AK5: variants seen among roughly 807,000 people sequenced by gnomAD.
The protein encoded by AK5 is adenylate kinase 5, also known as adenylate kinase isoenzyme 5.
Under a neutral mutation model 69.5 loss-of-function variants are expected in AK5, and 27 were observed. That is an observed-to-expected ratio of 0.39 (90% confidence interval 0.29 to 0.54). AK5 has a LOEUF of 0.54. AK5 is among the 20% of genes least tolerant of loss of function. AK5 has a pLI of 0.71. For synonymous variants in AK5, 260 were observed against 244.4 expected (o/e 1.06, Z -0.60); for missense variants, 531 against 700.4 (o/e 0.76, Z 2.73).
chr1:77,494,906 C>A (rs755307802), intron 10 of AK5, among the ~76,000 whole-genome samples: 2 of 151,844 alleles, frequency 1.3e-5, no homozygotes, highest in African/African-American at 2.4e-5. Flanking sequence ...CTCAGCCTCC[C>A]GGGTAGCTGG....
chr1:77,418,445 C>G lies in AK5; in HGVS notation c.1059+730C>G, dbSNP rs10873939. 2.6e-5 allele frequency among the ~76,000 whole-genome samples: 4 copies of G among 152,114 alleles called. No individual in the cohort carries two copies. The South Asian group carries it at 6.2e-4, about 24-fold the overall frequency. On this transcript the variant is annotated intron_variant, in intron 8 of 13. Coordinates refer to ENST00000354567, the MANE Select transcript of AK5 (RefSeq NM_174858.3). ...ATTTGGGTGGGGACACAGAGCCAAA[C>G]CATATCACTAGTCTGTGGAAGGGAA...
At chr1:77,529,481 C>G (rs190119105) in intron 12 of AK5, among the ~76,000 whole-genome samples, 1 of 152,042 alleles carries the variant, frequency 6.6e-6, no homozygotes, top group African/African-American at 2.4e-5. Context: ...CCCACCACCA[C>G]GTCCAGCTAA....
chr1:77,468,672 C>T (rs906271252), intron 8 of AK5, among the ~76,000 whole-genome samples: 1 of 152,166 alleles, frequency 6.6e-6, no homozygotes, highest in Non-Finnish European at 1.5e-5. Flanking sequence ...AAGAGCAGGC[C>T]GGTTTCCTTG....
intron 6 of AK5, among the ~76,000 whole-genome samples, chr1:77,368,238 T>TA (rs1557535331): frequency 0.01 from 20 of 1,912 alleles, 2 homozygotes; most frequent in South Asian, 0.11. Context: ...TATATATATA[T>TA]ATATATATAT....
intron 10 of AK5, among the ~76,000 whole-genome samples, chr1:77,507,857 C>T (rs1362960227): frequency 2.6e-5 from 4 of 152,130 alleles, no homozygotes; most frequent in Admixed American, 2.0e-4. Flanking sequence ...GGGGAATTAT[C>T]CTTTTTTATT....
intron 8 of AK5, among the ~76,000 whole-genome samples, chr1:77,481,896 A>G (rs916852133): frequency 6.6e-6 from 1 of 152,238 alleles, no homozygotes; most frequent in African/African-American, 2.4e-5. Context: ...TCACTGATCC[A>G]TCAATAAAGG....
chr1:77,468,760 C>A (rs1036450706), intron 8 of AK5, among the ~76,000 whole-genome samples: 1 of 152,152 alleles, frequency 6.6e-6, no homozygotes, highest in East Asian at 1.9e-4. Flanking sequence ...TTTAAATAGT[C>A]CTCAAATACT....
chr1:77,554,437 T>G (rs979782876), intron 13 of AK5, among the ~76,000 whole-genome samples: 1 of 152,156 alleles, frequency 6.6e-6, no homozygotes, highest in Admixed American at 6.5e-5. Context: ...TATCTAGTCC[T>G]AGTTCAGTCC....
intron 6 of AK5, among the ~76,000 whole-genome samples, chr1:77,403,852 A>G (rs1245541327): frequency 6.6e-6 from 1 of 152,186 alleles, no homozygotes; most frequent in African/African-American, 2.4e-5. Context: ...TGGTAGCTTG[A>G]TGGGGATGGC....
chr1:77,510,405 G>A (rs781348443), intron 10 of AK5, among the ~76,000 whole-genome samples: 4 of 152,050 alleles, frequency 2.6e-5, no homozygotes, highest in Non-Finnish European at 5.9e-5. Context: ...TGCAATCACT[G>A]TTGAACTATA....
At chr1:77,312,443 T>C (rs1660012904) in intron 5 of AK5, among the ~76,000 whole-genome samples, 1 of 151,956 alleles carries the variant, frequency 6.6e-6, no homozygotes, top group African/African-American at 2.4e-5. Flanking sequence ...GGCAAAACCC[T>C]GTCTCTACTA....
At chr1:77,367,948 A>T (rs1182694512) in intron 6 of AK5, among the ~76,000 whole-genome samples, 2 of 84,188 alleles carry the variant, frequency 2.4e-5, no homozygotes, top group East Asian at 6.4e-4. Context: ...TATATATGTT[A>T]TATATATATA....
intron 6 of AK5, among the ~76,000 whole-genome samples, chr1:77,399,839 G>T (rs896731145): frequency 4.6e-5 from 7 of 152,200 alleles, no homozygotes; most frequent in African/African-American, 1.7e-4. Flanking sequence ...CTGCTGTGGG[G>T]TGCAACTAGA....
intron 6 of AK5, among the ~76,000 whole-genome samples, chr1:77,347,078 A>G (rs1661954706): frequency 6.6e-6 from 1 of 152,324 alleles, no homozygotes; most frequent in South Asian, 2.1e-4. Context: ...TTCTGGATTT[A>G]GTGACTAAGA....
rs570890427 is a variant in AK5, at chr1:77,374,020, G to A, written c.891+33452G>A. Among the ~76,000 whole-genome samples the A allele has an allele frequency of 1.6e-4, 25 of 152,228 alleles. No individual in the cohort carries two copies. In the East Asian group the frequency reaches 3.3e-3, roughly 20 times the overall value. Reference sequence around the variant, plus strand: ...TCAGCCCATAAAATACATATATAGAGTAAATGTGTCATTTCTGAGATTTTC... The same window carrying A: ...TCAGCCCATAAAATACATATATAGAATAAATGTGTCATTTCTGAGATTTTC... On this transcript the variant is annotated intron_variant, in intron 6 of 13. Transcript: ENST00000354567.
At chr1:77,550,146 T>C (rs1359214595) in intron 13 of AK5, among the ~76,000 whole-genome samples, 1 of 152,144 alleles carries the variant, frequency 6.6e-6, no homozygotes, top group Non-Finnish European at 1.5e-5. Flanking sequence ...AGACACTGTA[T>C]TTCCCAAGCT....
At chr1:77,506,783 G>A (rs1359681953) in intron 10 of AK5, among the ~76,000 whole-genome samples, 1 of 152,194 alleles carries the variant, frequency 6.6e-6, no homozygotes, top group Non-Finnish European at 1.5e-5. Flanking sequence ...CAGATCACTT[G>A]AGGCCAGGAG....
intron 6 of AK5, among the ~76,000 whole-genome samples, chr1:77,377,453 A>G (rs898977914): frequency 2.6e-5 from 4 of 152,074 alleles, no homozygotes; most frequent in African/African-American, 9.7e-5. Context: ...GCCCCTCCTC[A>G]TTAGTCCTGC....
intron 3 of AK5, among the ~76,000 whole-genome samples, chr1:77,295,050 CAA>C (rs1658911466): frequency 2.6e-5 from 4 of 152,094 alleles, no homozygotes. Context: ...GCTATTTTTG[CAA>C]AGTCTTTCTC....
Sources: allele counts gnomAD v4.1 joint callset (sites outside exome capture counted in the v4.1 genomes callset), GRCh38; gene constraint gnomAD v4.1.1; transcripts MANE v1.5; gene names NCBI Gene and HGNC (gene_info 2026-07-23, HGNC 2026-07-21).